The following BCL11B variants were observed in gnomAD, a reference collection of about 807,000 sequenced individuals.
BCL11B encodes BCL11 transcription factor B.
BCL11B carries 8 observed loss-of-function variants against 49.9 expected under a neutral mutation model. That is an observed-to-expected ratio of 0.16 (90% CI 0.09 to 0.29). BCL11B has a LOEUF of 0.29. BCL11B is among the 10% of genes least tolerant of loss of function. The pLI is 1.00. For synonymous variants in BCL11B, 739 were observed against 637.4 expected (o/e 1.16, Z -2.40); for missense variants, 1,006 against 1,351.0 (o/e 0.74, Z 4.00).
In BCL11B at chr14:99,195,050, C is replaced by T. The variant is rs1490690962; in HGVS notation, c.641-18855G>A. On this transcript the variant is annotated intron_variant, in intron 3 of 3. Coordinates refer to ENST00000357195, the MANE Select transcript of BCL11B (RefSeq NM_138576.4). The surrounding 1 kb of genome is among the most constrained non-coding windows in gnomAD (Gnocchi z 4.7). The stretch of plus-strand genomic sequence containing the variant: ...GCACAGATGGGAAAACGAAGGCTGC[C>T]CAGCATGCAGAAAGGGCTTCCTGAG... 6.6e-6 allele frequency among the ~76,000 whole-genome samples: 1 copy of T among 152,136 alleles called. No homozygotes were observed.
rs180753021 is a variant in BCL11B at position 99,257,894 on chromosome 14, C to T, written c.59-55G>A. 362 of 1,452,438 alleles carry T rather than the reference C, an allele frequency of 2.5e-4. 2 individuals carry two copies. The African/African-American group carries it at 4.4e-3, about 18-fold the overall frequency. The allele number at this position is 1,452,438 out of a possible 1,614,324, so 90.0% of individuals were successfully genotyped here. ...CAGAGAAGATAGAGATGGGCTTAGG[C>T]GGTCACAGCACCCAACTTCCGGTCC... On this transcript the variant is annotated intron_variant, in intron 1 of 3. Transcript: ENST00000357195. This position sits in a 1 kb window ranked among gnomAD's most constrained non-coding sequence, Gnocchi z 6.2.
At chr14:99,219,512 T>G (rs1368857628) in intron 3 of BCL11B, among the ~76,000 whole-genome samples, 1 of 151,930 alleles carries the variant, frequency 6.6e-6, no homozygotes, top group Admixed American at 6.6e-5. Flanking sequence ...CTGTCCCCAG[T>G]CCCTCCCCGC....
intron 2 of BCL11B, among the ~76,000 whole-genome samples, chr14:99,249,940 C>T (rs1888956343): frequency 6.6e-6 from 1 of 151,698 alleles, no homozygotes. Flanking sequence ...CCAGCCTGGC[C>T]AACATGGCAA....
chr14:99,183,920 C>G (rs1010843112), intron 3 of BCL11B, among the ~76,000 whole-genome samples: 1 of 152,106 alleles, frequency 6.6e-6, no homozygotes, highest in Non-Finnish European at 1.5e-5. Flanking sequence ...GCACTGCCCC[C>G]ACCCCGAAGC....
intron 3 of BCL11B, among the ~76,000 whole-genome samples, chr14:99,201,787 C>T (rs1887391951): frequency 6.6e-6 from 1 of 152,192 alleles, no homozygotes; most frequent in South Asian, 2.1e-4. Flanking sequence ...TGGGCTCACA[C>T]TCCCTTGCAG....
intron 1 of BCL11B, among the ~76,000 whole-genome samples, chr14:99,268,498 C>A (rs1334768019): frequency 6.6e-6 from 1 of 152,132 alleles, no homozygotes; most frequent in Non-Finnish European, 1.5e-5. Flanking sequence ...GTAGAGGATG[C>A]GACAGCACCC....
chr14:99,198,987 G>A (rs985684046), intron 3 of BCL11B, among the ~76,000 whole-genome samples: 1 of 152,102 alleles, frequency 6.6e-6, no homozygotes, highest in Non-Finnish European at 1.5e-5. Flanking sequence ...TGCTCACGGC[G>A]AGGGACGCTT....
chr14:99,260,721 T>G (rs2139960973), intron 1 of BCL11B, among the ~76,000 whole-genome samples: 1 of 152,232 alleles, frequency 6.6e-6, no homozygotes, highest in East Asian at 1.9e-4. Flanking sequence ...CTTTTCACTT[T>G]CCTCATGCAG....
chr14:99,237,872 C>T (rs528127607), intron 2 of BCL11B, among the ~76,000 whole-genome samples: 1 of 152,282 alleles, frequency 6.6e-6, no homozygotes, highest in Admixed American at 6.5e-5. Flanking sequence ...TGTCCAGCAT[C>T]CTTCATCAAC....
In BCL11B at chr14:99,228,089, G is replaced by A. The variant is rs900335932; in HGVS notation, c.640+3256C>T. 3.3e-5 allele frequency among the ~76,000 whole-genome samples: 5 copies of A among 152,142 alleles called. No individual in the cohort carries two copies. The highest frequency in any genetic ancestry group is 2.9e-5 in the Non-Finnish European group (2 of 68,032). ...TAACTGCAGATGCGGTAACAGGCAC[G>A]CAATTAACCTGTGTGAAACACGTTT... On this transcript the variant is annotated intron_variant, in intron 3 of 3. Transcript: ENST00000357195. This position sits in a 1 kb window ranked among gnomAD's most constrained non-coding sequence, Gnocchi z 4.8.
chr14:99,238,996 C>CAT lies in BCL11B; in HGVS notation c.428-7441_428-7440dup, dbSNP rs1555382931. ...GAGGTTCTATATACATATACATATGCATGTGCACATACACACACAAACACT... is the reference window on the plus strand; with the variant it reads ...GAGGTTCTATATACATATACATATGCATATGTGCACATACACACACAAACACT... On this transcript the variant is annotated intron_variant, in intron 2 of 3. Coordinates refer to ENST00000357195, the MANE Select transcript of BCL11B (RefSeq NM_138576.4). Among the ~76,000 whole-genome samples, 873 of 152,266 alleles carry CAT rather than the reference C, an allele frequency of 5.7e-3. 57 individuals are homozygous for CAT. In the East Asian group the frequency reaches 0.15, roughly 26 times the overall value.
At chr14:99,220,036 T>C (rs1166448148) in intron 3 of BCL11B, among the ~76,000 whole-genome samples, 1 of 152,138 alleles carries the variant, frequency 6.6e-6, no homozygotes, top group Non-Finnish European at 1.5e-5. Context: ...GCCACATCCC[T>C]GAGAGGCAGG....
intron 2 of BCL11B, among the ~76,000 whole-genome samples, chr14:99,244,881 G>A (rs878901433): frequency 8.5e-5 from 13 of 152,290 alleles, no homozygotes; most frequent in African/African-American, 2.2e-4. Context: ...AAGTATATAG[G>A]TATACGCATA....
rs775853703 is a variant in BCL11B at position 99,231,419 on chromosome 14, C to G, written c.566G>C (p.Arg189Pro). Residue 189 changes from arginine (R) to proline (P), a missense_variant, in exon 3 of 4, where the codon CGC becomes CCC. Coordinates refer to ENST00000357195, the MANE Select transcript of BCL11B (RefSeq NM_138576.4). The surrounding 1 kb of genome is among the most constrained non-coding windows in gnomAD (Gnocchi z 8.1). Reference protein sequence around the residue: ...PCLPLPCCSARPVSGDGTQGE... With the variant: ...PCLPLPCCSAPPVSGDGTQGE... Reference sequence around the variant, plus strand: ...CTGAGTCCCGTCACCCGAGACCGGGCGCGCGCTGCAGCACGGCAGGGGGAG... The same window carrying G: ...CTGAGTCCCGTCACCCGAGACCGGGGGCGCGCTGCAGCACGGCAGGGGGAG... The G allele has an allele frequency of 1.3e-6, 2 of 1,596,188 alleles. No individual in the cohort carries two copies. The highest frequency in any genetic ancestry group is 1.7e-6 in the Non-Finnish European group (2 of 1,170,954).
At chr14:99,177,516 C>T (rs1341344537) in intron 3 of BCL11B, among the ~76,000 whole-genome samples, 3 of 150,382 alleles carry the variant, frequency 2.0e-5, no homozygotes, top group Non-Finnish European at 4.4e-5. Context: ...ACGGTGCAGA[C>T]AGGACCCGTC....
intron 3 of BCL11B, among the ~76,000 whole-genome samples, chr14:99,210,868 G>A (rs1481407995): frequency 6.6e-6 from 1 of 152,088 alleles, no homozygotes. Context: ...GGGCCGCAGA[G>A]CCCTGCATCA....
rs867326225 is a variant in BCL11B, at chr14:99,262,220, G to A, written c.59-4381C>T. Among the ~76,000 whole-genome samples the A allele has an allele frequency of 3.2e-4, 49 of 152,142 alleles. No individual in the cohort carries two copies. Among genetic ancestry groups the A allele is most frequent in the African/African-American group, 1.0e-3 (43 of 41,430 alleles). On this transcript the variant is annotated intron_variant, in intron 1 of 3. Coordinates refer to ENST00000357195, the MANE Select transcript of BCL11B (RefSeq NM_138576.4). This position sits in a 1 kb window ranked among gnomAD's most constrained non-coding sequence, Gnocchi z 4.2. ...CCACACACAGGGTGCCAAGGACCCCGCCCTCCCTGGCCCATCTCTAACAAC... is the reference window on the plus strand; with the variant it reads ...CCACACACAGGGTGCCAAGGACCCCACCCTCCCTGGCCCATCTCTAACAAC...
intron 1 of BCL11B, among the ~76,000 whole-genome samples, chr14:99,260,140 TAGAG>T (rs750454736): frequency 4.6e-5 from 7 of 152,080 alleles, no homozygotes; most frequent in East Asian, 1.9e-4. Context: ...TGTTAAAAAA[TAGAG>T]AGAGAGGCAC....
At chr14:99,264,091 G>C (rs1889412651) in intron 1 of BCL11B, 1 of 152,216 alleles carries the variant, frequency 6.6e-6, no homozygotes. Context: ...CTCTTTGTGG[G>C]CAAATGAAGA....
Sources: allele counts gnomAD v4.1 joint callset (sites outside exome capture counted in the v4.1 genomes callset), GRCh38; gene constraint gnomAD v4.1.1; non-coding constraint Gnocchi (gnomAD v3.1); transcripts MANE v1.5; gene names NCBI Gene and HGNC (gene_info 2026-07-23, HGNC 2026-07-21).